RAB6B: variants seen among roughly 807,000 people sequenced by gnomAD.
The protein encoded by RAB6B is RAB6B, member RAS oncogene family, also known as ras-related protein Rab-6B.
A neutral mutation model predicts 31.2 loss-of-function variants in RAB6B; 7 were observed. That is an observed-to-expected ratio of 0.22 (90% CI 0.13 to 0.42). The LOEUF (loss-of-function observed/expected upper bound fraction) is 0.42. Ranked by LOEUF, RAB6B falls within the 10% of genes least tolerant of loss-of-function variation. The pLI is 1.00. For missense variants in RAB6B, 149 were observed against 280.6 expected (o/e 0.53, Z 3.35); for synonymous variants, 105 against 104.9 (o/e 1.00, Z -0.01).
At chr3:133,884,683 A>T (rs956537619) in intron 1 of RAB6B, among the ~76,000 whole-genome samples, 4 of 152,160 alleles carry the variant, frequency 2.6e-5, no homozygotes, top group Non-Finnish European at 5.9e-5. Flanking sequence ...TGACCAGAGG[A>T]CGGGGGTGCT....
At chr3:133,864,792 C>T (rs1936213293) in intron 1 of RAB6B, 150 bp from the exon 2 acceptor site, 2 of 769,778 alleles carry the variant, frequency 2.6e-6, no homozygotes, top group African/African-American at 1.7e-5. Context: ...CAGGCCCCTG[C>T]TAGGGACCCC....
chr3:133,878,090 A>G (rs1576408343), intron 1 of RAB6B, among the ~76,000 whole-genome samples: 1 of 152,192 alleles, frequency 6.6e-6, no homozygotes, highest in Non-Finnish European at 1.5e-5. Flanking sequence ...ATGTAACTGG[A>G]GTCTTCAAAG....
chr3:133,889,418 ATATATATATATATATATATATATATATT>A (rs1322607243), intron 1 of RAB6B, among the ~76,000 whole-genome samples: 5 of 59,308 alleles, frequency 8.4e-5, no homozygotes, highest in African/African-American at 2.8e-4. Flanking sequence ...ATATATATAT[ATATATATATATATATATATATATATATT>A]TATTTTGGGA....
chr3:133,837,024 G>C (rs1383618369), intron 6 of RAB6B, among the ~76,000 whole-genome samples: 1 of 152,138 alleles, frequency 6.6e-6, no homozygotes, highest in Non-Finnish European at 1.5e-5. Context: ...TGCTGGGGTG[G>C]CAGGGCAGAA....
chr3:133,860,993 C>A (rs572158332), intron 2 of RAB6B, among the ~76,000 whole-genome samples: 2 of 152,170 alleles, frequency 1.3e-5, no homozygotes, highest in African/African-American at 2.4e-5. Flanking sequence ...CATGAGAGAC[C>A]GGAGAAGAGT....
chr3:133,889,391 TATATATATATATATATA>T lies in RAB6B; in HGVS notation c.70+5989_70+6005del, dbSNP rs1936599509. Reference sequence around the variant, plus strand: ...AAAGGACAATAAGGTTATTTTGTTATATATATATATATATATATATATATATATATATATATATATAT... The same window carrying T: ...AAAGGACAATAAGGTTATTTTGTTATTATATATATATATATATATATATAT... On this transcript the variant is annotated intron_variant, in intron 1 of 7. Transcript: ENST00000285208. 6.8e-3 allele frequency among the ~76,000 whole-genome samples: 231 copies of T among 34,026 alleles called. 12 individuals are homozygous for T. The highest frequency in any genetic ancestry group is 0.016 in the African/African-American group (159 of 9,926). The allele number at this position is 34,026 out of a possible 152,430, so 22.3% of individuals were successfully genotyped here.
At chr3:133,854,820 C>A (rs879423737) in intron 2 of RAB6B, among the ~76,000 whole-genome samples, 1 of 152,204 alleles carries the variant, frequency 6.6e-6, no homozygotes, top group Non-Finnish European at 1.5e-5. Flanking sequence ...AGGAAAGAGA[C>A]GTTTCCTGAG....
Position 133,864,655 on chromosome 3 carries a change from A to G in RAB6B, c.71-13T>C. On this transcript the variant is annotated splice_polypyrimidine_tract_variant and intron_variant, in intron 1 of 7. Coordinates refer to ENST00000285208, the MANE Select transcript of RAB6B (RefSeq NM_016577.4). ...GACGTCTTCCCGACTGCAAAACAAC[A>G]AGGAGAGAGGTGTTCAGTCATGGCA... The G allele has an allele frequency of 1.2e-6, 2 of 1,612,934 alleles. No individual in the cohort carries two copies. The highest frequency in any genetic ancestry group is 2.2e-5 in the South Asian group (2 of 91,064).
intron 2 of RAB6B, among the ~76,000 whole-genome samples, chr3:133,857,614 T>C (rs9815265): frequency 0.3 from 46,185 of 152,088 alleles, 8,294 homozygotes; most frequent in Non-Finnish European, 0.43. Context: ...GCCTCCGTTC[T>C]ACATTCCATT....
At chr3:133,886,859 G>A (rs1936554446) in intron 1 of RAB6B, among the ~76,000 whole-genome samples, 1 of 152,236 alleles carries the variant, frequency 6.6e-6, no homozygotes, top group South Asian at 2.1e-4. Context: ...ATGTATAGAT[G>A]TACTTGATCT....
intron 1 of RAB6B, among the ~76,000 whole-genome samples, chr3:133,880,362 T>C (rs1024935218): frequency 4.6e-5 from 7 of 152,226 alleles, no homozygotes; most frequent in Non-Finnish European, 8.8e-5. Flanking sequence ...AAACTTGTGT[T>C]TCCCAGGTTG....
chr3:133,880,453 C>T (rs1283009484), intron 1 of RAB6B, among the ~76,000 whole-genome samples: 1 of 152,214 alleles, frequency 6.6e-6, no homozygotes, highest in Non-Finnish European at 1.5e-5. Flanking sequence ...GCTGTGGCCT[C>T]GCCATGAGAC....
At chr3:133,855,286 T>TG (rs1279472924) in intron 2 of RAB6B, among the ~76,000 whole-genome samples, 2 of 152,238 alleles carry the variant, frequency 1.3e-5, no homozygotes, top group Admixed American at 6.5e-5. Context: ...AGCGCAGTAA[T>TG]GCGCCCTGGG....
At chr3:133,843,047 TAC>T (rs1470374253) in intron 2 of RAB6B, among the ~76,000 whole-genome samples, 1 of 152,278 alleles carries the variant, frequency 6.6e-6, no homozygotes, top group Non-Finnish European at 1.5e-5. Flanking sequence ...TGTGCATGTT[TAC>T]ACAGTCACAC....
At chr3:133,850,236 C>T (rs1194280917) in intron 2 of RAB6B, among the ~76,000 whole-genome samples, 1 of 152,116 alleles carries the variant, frequency 6.6e-6, no homozygotes, top group East Asian at 1.9e-4. Flanking sequence ...TTTAGCTGCC[C>T]ACTAAAACCA....
At chr3:133,861,554 G>A (rs1936161463) in intron 2 of RAB6B, among the ~76,000 whole-genome samples, 1 of 152,188 alleles carries the variant, frequency 6.6e-6, no homozygotes, top group Non-Finnish European at 1.5e-5. Context: ...TTTAGACCGA[G>A]AAAGAACTCA....
Position 133,839,493 on chromosome 3 carries a change from C to T in RAB6B, c.401+13G>A. On this transcript the variant is annotated intron_variant, in intron 5 of 7. Coordinates refer to ENST00000285208, the MANE Select transcript of RAB6B (RefSeq NM_016577.4). ...GAGGGTGGCACCCTGCACCTGTGTG[C>T]CCTTGCACCTACCTCTTATCAGCCA... 6.3e-7 allele frequency: 1 copy of T among 1,599,660 alleles called. No individual in the cohort carries two copies. The highest frequency in any genetic ancestry group is 8.6e-7 in the Non-Finnish European group (1 of 1,166,780).
rs771964558 is a variant in RAB6B at position 133,841,266 on chromosome 3, G to A, written c.289+19C>T. On this transcript the variant is annotated intron_variant, in intron 4 of 7. Transcript: ENST00000285208. ...ACCCCCTATGAGCCACCCTCCCTTA[G>A]GAGCAGAGCCTCACTCACTTGTGAT... 1 of 1,613,580 alleles carries A rather than the reference G, an allele frequency of 6.2e-7. No individual in the cohort carries two copies. The highest frequency in any genetic ancestry group is 1.3e-5 in the African/African-American group (1 of 74,912).
At chr3:133,835,268 G>A (rs533249856) in intron 6 of RAB6B, among the ~76,000 whole-genome samples, 4 of 152,150 alleles carry the variant, frequency 2.6e-5, no homozygotes, top group African/African-American at 9.7e-5. Flanking sequence ...TGTTTTATCT[G>A]TAGGACTGCG....
Sources: allele counts gnomAD v4.1 joint callset (sites outside exome capture counted in the v4.1 genomes callset), GRCh38; gene constraint gnomAD v4.1.1; transcripts MANE v1.5; gene names NCBI Gene and HGNC (gene_info 2026-07-23, HGNC 2026-07-21).